NUBPL: variants seen among roughly 807,000 people sequenced by gnomAD.
The protein encoded by NUBPL is NUBP iron-sulfur cluster assembly factor, mitochondrial.
Under a neutral mutation model 45.7 loss-of-function variants are expected in NUBPL, and 31 were observed. The ratio of observed to expected loss-of-function variants is 0.68; its 90% CI spans 0.51 to 0.92. The LOEUF (loss-of-function observed/expected upper bound fraction) is 0.92, where lower values mean the gene tolerates loss of function less well. Ranked by LOEUF, NUBPL falls within the 40% of genes least tolerant of loss-of-function variation. NUBPL has a pLI of 0.00. For synonymous variants in NUBPL, 144 were observed against 140.9 expected, an observed-to-expected ratio of 1.02 and a Z score of -0.15; for missense variants, 401 against 398.7, an observed-to-expected ratio of 1.01 and a Z score of -0.05.
intron 4 of NUBPL, among the ~76,000 whole-genome samples, chr14:31,644,677 G>A (rs1479438208): frequency 6.6e-6 from 1 of 151,952 alleles, no homozygotes; most frequent in East Asian, 1.9e-4. Context: ...ATTTGGTCTA[G>A]TGTGCAGTTT....
chr14:31,595,172 A>G (rs1271476504), intron 3 of NUBPL, among the ~76,000 whole-genome samples: 1 of 152,206 alleles, frequency 6.6e-6, no homozygotes, highest in Non-Finnish European at 1.5e-5. Flanking sequence ...GTGAAACAGT[A>G]TAATTACTCT....
At chr14:31,800,348 C>T (rs181703607) in intron 7 of NUBPL, among the ~76,000 whole-genome samples, 25 of 152,152 alleles carry the variant, frequency 1.6e-4, no homozygotes, top group Non-Finnish European at 2.8e-4. Context: ...AACATAATAT[C>T]GATTAGGATT....
chr14:31,598,050 A>T lies in NUBPL; in HGVS notation c.292-1239A>T, dbSNP rs149925631. Among the ~76,000 whole-genome samples, 558 of 152,274 alleles carry T rather than the reference A, an allele frequency of 3.7e-3. 2 individuals are homozygous for T. Among genetic ancestry groups the T allele is most frequent in the Admixed American group, 6.3e-3 (96 of 15,290 alleles). On this transcript the variant is annotated intron_variant, in intron 3 of 10. Coordinates refer to ENST00000281081, the MANE Select transcript of NUBPL (RefSeq NM_025152.3). Reference sequence around the variant, plus strand: ...CTTAAATTTTATATACCACCATTCTATGAAAAATCAAGTATCCTTCCTATT... The same window carrying T: ...CTTAAATTTTATATACCACCATTCTTTGAAAAATCAAGTATCCTTCCTATT...
At chr14:31,609,118 A>G (rs1245799023) in intron 4 of NUBPL, among the ~76,000 whole-genome samples, 4 of 152,152 alleles carry the variant, frequency 2.6e-5, no homozygotes, top group African/African-American at 7.2e-5. Context: ...TCCAATCAAA[A>G]GATGGAGTGG....
At chr14:31,614,087 T>C (rs112585381) in intron 4 of NUBPL, among the ~76,000 whole-genome samples, 1,619 of 152,212 alleles carry the variant, frequency 0.011, 24 homozygotes, top group African/African-American at 0.037. Context: ...ATGGGGCTTA[T>C]GGGGGATATG....
chr14:31,579,290 C>T (rs2033801762), intron 3 of NUBPL, among the ~76,000 whole-genome samples: 1 of 152,152 alleles, frequency 6.6e-6, no homozygotes, highest in South Asian at 2.1e-4. Context: ...TACGCTTTTT[C>T]TTTAAAAATG....
chr14:31,646,793 T>C (rs1251525864), intron 4 of NUBPL, among the ~76,000 whole-genome samples: 1 of 152,120 alleles, frequency 6.6e-6, no homozygotes, highest in Non-Finnish European at 1.5e-5. Context: ...AAAATAAGCT[T>C]TGTATCCCTT....
intron 6 of NUBPL, among the ~76,000 whole-genome samples, chr14:31,676,067 G>A (rs1026253558): frequency 6.6e-6 from 1 of 151,260 alleles, no homozygotes; most frequent in Non-Finnish European, 1.5e-5. Flanking sequence ...TTGTTGCCCA[G>A]TCTGGAGTGC....
chr14:31,818,495 C>T (rs2039962331), intron 7 of NUBPL, among the ~76,000 whole-genome samples: 1 of 152,184 alleles, frequency 6.6e-6, no homozygotes, highest in African/African-American at 2.4e-5. Context: ...GTTGATATAG[C>T]ATTGTTTCCA....
intron 4 of NUBPL, among the ~76,000 whole-genome samples, chr14:31,667,078 G>C (rs2036450142): frequency 6.6e-6 from 1 of 152,080 alleles, no homozygotes; most frequent in Non-Finnish European, 1.5e-5. Context: ...TGTATTTCCT[G>C]AATTTGAATG....
intron 3 of NUBPL, among the ~76,000 whole-genome samples, chr14:31,585,150 A>G (rs907635426): frequency 2.6e-5 from 4 of 152,126 alleles, no homozygotes; most frequent in Admixed American, 2.6e-4. Context: ...GGGGTGTCCA[A>G]TCTTTTGGCT....
rs77279026 is a variant in NUBPL, at chr14:31,746,487, A to G, written c.514-41293A>G. On this transcript the variant is annotated intron_variant, in intron 6 of 10. Transcript: ENST00000281081. Reference sequence around the variant, plus strand: ...CTTTCTGTCAATGTGATGTGTCACAATTTGATACAAATGGTAAACCATCCT... The same window carrying G: ...CTTTCTGTCAATGTGATGTGTCACAGTTTGATACAAATGGTAAACCATCCT... 5.7e-3 allele frequency among the ~76,000 whole-genome samples: 869 copies of G among 152,096 alleles called. 26 individuals are homozygous for G. The highest frequency in any genetic ancestry group is 0.02 in the African/African-American group (823 of 41,352).
intron 3 of NUBPL, among the ~76,000 whole-genome samples, chr14:31,592,900 C>A (rs1408790941): frequency 6.6e-6 from 1 of 152,066 alleles, no homozygotes; most frequent in African/African-American, 2.4e-5. Flanking sequence ...TAGTAGTGAA[C>A]AAAGCATGCA....
intron 2 of NUBPL, among the ~76,000 whole-genome samples, chr14:31,564,639 AAGACAATTTTTCTATAAAAT>A (rs2033388148): frequency 6.6e-6 from 1 of 152,212 alleles, no homozygotes; most frequent in African/African-American, 2.4e-5. Flanking sequence ...TTAAAATAAA[AAGACAATTTTTCTATAAAAT>A]ATGGTTTTGA....
chr14:31,798,518 T>A (rs1000666732), intron 7 of NUBPL, among the ~76,000 whole-genome samples: 3 of 151,090 alleles, frequency 2.0e-5, no homozygotes, highest in Non-Finnish European at 4.4e-5. Context: ...TTATGCCAGG[T>A]GCGGTGGCTC....
intron 7 of NUBPL, among the ~76,000 whole-genome samples, chr14:31,812,872 C>T (rs145716038): frequency 9.5e-4 from 144 of 152,124 alleles, no homozygotes; most frequent in African/African-American, 3.2e-3. Context: ...CAGATATGCA[C>T]GACAGAGCTG....
Position 31,852,933 on chromosome 14 carries a change from A to G in NUBPL, c.897+2732A>G, listed in dbSNP as rs574365702. Among the ~76,000 whole-genome samples the G allele has an allele frequency of 1.1e-3, 164 of 152,326 alleles. 1 individual carries two copies. Among genetic ancestry groups the G allele is most frequent in the African/African-American group, 3.8e-3 (157 of 41,560 alleles). On this transcript the variant is annotated intron_variant, in intron 10 of 10. Transcript: ENST00000281081. ...TCTGTTGTATTCATAGAAGCATAAT[A>G]CCTATTCTGCCTGCATGTCTTCATT... is the stretch of plus-strand genomic sequence containing the variant.
intron 4 of NUBPL, among the ~76,000 whole-genome samples, chr14:31,641,293 TAATGAA>T (rs1186309276): frequency 6.6e-6 from 1 of 152,158 alleles, no homozygotes; most frequent in Non-Finnish European, 1.5e-5. Context: ...TTGTACTGAT[TAATGAA>T]CCTCTCTTCA....
intron 6 of NUBPL, among the ~76,000 whole-genome samples, chr14:31,724,354 G>A (rs577395098): frequency 7.2e-5 from 11 of 152,268 alleles, no homozygotes; most frequent in South Asian, 2.1e-4. Context: ...AGGAAAAACC[G>A]TAAGTTCTAT....
Sources: allele counts gnomAD v4.1 joint callset (sites outside exome capture counted in the v4.1 genomes callset), GRCh38; gene constraint gnomAD v4.1.1; transcripts MANE v1.5; gene names NCBI Gene and HGNC (gene_info 2026-07-23, HGNC 2026-07-21).